The following APBA1 variants were observed in gnomAD, a reference collection of about 807,000 sequenced individuals.
The protein encoded by APBA1 is amyloid beta precursor protein binding family A member 1.
In APBA1, 55 loss-of-function variants were observed where a neutral mutation model predicts 86.6. That is an observed-to-expected ratio of 0.64 (90% confidence interval 0.51 to 0.80). APBA1 has a LOEUF of 0.80. Ranked by LOEUF, APBA1 falls within the 30% of genes least tolerant of loss-of-function variation. The probability of loss-of-function intolerance (pLI) is 0.00; values close to 1 mark genes in which losing one functional copy is unlikely to be tolerated. For missense variants in APBA1, 1,090 were observed against 1,183.0 expected (o/e 0.92, Z 1.15); for synonymous variants, 511 against 493.9 (o/e 1.03, Z -0.46).
intron 1 of APBA1, among the ~76,000 whole-genome samples, chr9:69,551,515 T>G (rs958368173): frequency 1.3e-5 from 2 of 150,008 alleles, no homozygotes; most frequent in Non-Finnish European, 3.0e-5. Flanking sequence ...ATCATGCCAC[T>G]GCACTCCAGC....
Position 69,476,138 on chromosome 9 carries a change from CG to C in APBA1, c.1205del (p.Pro402ArgfsTer54). On this transcript the variant is annotated frameshift_variant, in exon 3 of 13. Coordinates refer to ENST00000265381, the MANE Select transcript of APBA1 (RefSeq NM_001163.4). LOFTEE classifies it high-confidence loss of function. ...DDQRPMDGDS[P>X]SPGSSSPLGA... ...CCAAGGGGGAGGAGCTGCCAGGAGA[CG>C]GAGACTAGAACACAGCAAGAGGAAA... 6.2e-7 allele frequency: 1 copy of C among 1,612,286 alleles called. No homozygotes were observed. The highest frequency in any genetic ancestry group is 1.1e-5 in the South Asian group (1 of 90,920).
At chr9:69,444,073 C>T (rs1303810968) in intron 10 of APBA1, among the ~76,000 whole-genome samples, 2 of 152,118 alleles carry the variant, frequency 1.3e-5, no homozygotes, top group Non-Finnish European at 2.9e-5. Context: ...AATTTCCCCG[C>T]CGTCAGCATC....
At chr9:69,636,820 AGAGAGAGAGAGGGAGG>A (rs1282437759) in intron 1 of APBA1, among the ~76,000 whole-genome samples, 437 of 30,676 alleles carry the variant, frequency 0.014, 18 homozygotes, top group African/African-American at 0.033. Flanking sequence ...AGAGAGAGAG[AGAGAGAGAGAGGGAGG>A]GAGGGAGGGA....
intron 1 of APBA1, among the ~76,000 whole-genome samples, chr9:69,576,176 T>C (rs899338144): frequency 6.6e-6 from 1 of 152,164 alleles, no homozygotes; most frequent in Non-Finnish European, 1.5e-5. Context: ...TCACACCAGT[T>C]AGAATGGTGA....
chr9:69,467,328 C>T (rs1263453978), intron 5 of APBA1, among the ~76,000 whole-genome samples: 2 of 152,148 alleles, frequency 1.3e-5, no homozygotes, highest in East Asian at 1.9e-4. Context: ...CTTGCACTGA[C>T]CTTAGACTAG....
intron 1 of APBA1, among the ~76,000 whole-genome samples, chr9:69,528,190 T>G (rs1379984121): frequency 6.6e-6 from 1 of 152,116 alleles, no homozygotes; most frequent in Non-Finnish European, 1.5e-5. Flanking sequence ...GACTACAGAA[T>G]CAGGTTCATT....
At chr9:69,606,200 C>T (rs1822467607) in intron 1 of APBA1, among the ~76,000 whole-genome samples, 1 of 152,186 alleles carries the variant, frequency 6.6e-6, no homozygotes, top group South Asian at 2.1e-4. Flanking sequence ...TGTCCATTAG[C>T]AGAGAATTGC....
intron 1 of APBA1, among the ~76,000 whole-genome samples, chr9:69,627,955 T>C (rs115889298): frequency 2.6e-4 from 39 of 152,276 alleles, no homozygotes; most frequent in African/African-American, 9.4e-4. Context: ...CTCCTGTGTA[T>C]GCTTTTGTGT....
intron 2 of APBA1, among the ~76,000 whole-genome samples, chr9:69,496,345 G>C (rs1049436125): frequency 6.6e-6 from 1 of 152,064 alleles, no homozygotes; most frequent in African/African-American, 2.4e-5. Flanking sequence ...AGGTCTCTCT[G>C]TGAGCCTACC....
At chr9:69,583,338 T>G (rs1821953207) in intron 1 of APBA1, among the ~76,000 whole-genome samples, 1 of 152,204 alleles carries the variant, frequency 6.6e-6, no homozygotes, top group Non-Finnish European at 1.5e-5. Flanking sequence ...TCTCCTTTGC[T>G]GGCTCTCGGT....
At chr9:69,638,067 GTTGT>G (rs1823216553) in intron 1 of APBA1, among the ~76,000 whole-genome samples, 1 of 152,174 alleles carries the variant, frequency 6.6e-6, no homozygotes, top group Non-Finnish European at 1.5e-5. Context: ...TGAATATGGT[GTTGT>G]TTCTTTCTTT....
At chr9:69,450,977 T>C in intron 9 of APBA1, among the ~76,000 whole-genome samples, 1 of 152,204 alleles carries the variant, frequency 6.6e-6, no homozygotes, top group Non-Finnish European at 1.5e-5. Flanking sequence ...TAACAACACC[T>C]TGCTTTTGGA....
chr9:69,570,177 G>A (rs1314400797), intron 1 of APBA1, among the ~76,000 whole-genome samples: 2 of 152,292 alleles, frequency 1.3e-5, no homozygotes, highest in East Asian at 3.9e-4. Context: ...CTTGCTTTAT[G>A]CGATGGAAGT....
At chr9:69,450,716 G>A (rs1199759799) in intron 9 of APBA1, among the ~76,000 whole-genome samples, 1 of 152,112 alleles carries the variant, frequency 6.6e-6, no homozygotes, top group Non-Finnish European at 1.5e-5. Context: ...TGGAGATAAG[G>A]TCTTAGCAGA....
intron 12 of APBA1, among the ~76,000 whole-genome samples, chr9:69,431,599 G>C (rs1834597208): frequency 6.6e-6 from 1 of 152,218 alleles, no homozygotes. Flanking sequence ...AAAAGCTTAG[G>C]GGTGACAGAA....
chr9:69,505,107 G>A (rs945055582), intron 2 of APBA1, among the ~76,000 whole-genome samples: 12 of 152,084 alleles, frequency 7.9e-5, no homozygotes, highest in Admixed American at 2.0e-4. Context: ...CAGGCTGTGC[G>A]GTGATAACAA....
At chr9:69,624,737 A>C (rs1822896258) in intron 1 of APBA1, among the ~76,000 whole-genome samples, 2 of 152,198 alleles carry the variant, frequency 1.3e-5, no homozygotes, top group Admixed American at 1.3e-4. Context: ...TTCTTGAGCA[A>C]GGGTTTTAAA....
chr9:69,540,157 A>AACAACAAC (rs773579721), intron 1 of APBA1, among the ~76,000 whole-genome samples: 45 of 147,740 alleles, frequency 3.0e-4, no homozygotes, highest in African/African-American at 1.2e-3. Context: ...CAACAACAAC[A>AACAACAAC]AAAGTCACCT....
At chr9:69,524,751 G>A (rs1205522602) in intron 1 of APBA1, among the ~76,000 whole-genome samples, 1 of 151,990 alleles carries the variant, frequency 6.6e-6, no homozygotes, top group Non-Finnish European at 1.5e-5. Context: ...CCATTATCCT[G>A]ATACCAAAAA....
Sources: gnomAD v4.1 joint callset for allele counts (sites outside exome capture counted in the v4.1 genomes callset) on GRCh38, gnomAD v4.1.1 for gene constraint, MANE v1.5 for transcripts, NCBI Gene and HGNC (gene_info 2026-07-23, HGNC 2026-07-21) for gene names.